Variants in PPWD1 observed in about 807,000 individuals in gnomAD.
PPWD1 encodes peptidylprolyl isomerase domain and WD repeat-containing protein 1.
PPWD1 carries 43 observed loss-of-function variants against 68.8 expected under a neutral mutation model. That is an observed-to-expected ratio of 0.62 (90% confidence interval 0.49 to 0.81). The LOEUF (loss-of-function observed/expected upper bound fraction) is 0.81. Among genes scored for constraint, PPWD1 ranks in the 30% least tolerant of loss-of-function variants. The probability of loss-of-function intolerance (pLI) is 0.00; values close to 1 mark genes in which losing one functional copy is unlikely to be tolerated. For synonymous variants in PPWD1, 232 were observed against 258.7 expected (o/e 0.90, Z 0.99); for missense variants, 672 against 804.8 (o/e 0.83, Z 2.00).
In PPWD1 at chr5:65,567,506, TC is replaced by T. The variant is rs1214627234; in HGVS notation, c.197-6del. 17 of 1,593,892 alleles carry T rather than the reference TC, an allele frequency of 1.1e-5. No homozygotes were observed. Among genetic ancestry groups the T allele is most frequent in the African/African-American group, 8.1e-5 (6 of 73,942 alleles). On this transcript the variant is annotated splice_polypyrimidine_tract_variant and splice_region_variant and intron_variant, in intron 1 of 10. Transcript: ENST00000261308. ...ATAGATCTTATACTTTACTTTTTTT[TC>T]TTCAGTCTTAGAGTTTGAAAGAGTC...
chr5:65,585,836 G>A, intron 9 of PPWD1, 163 bp from the exon 10 acceptor site: 1 of 824,246 alleles, frequency 1.2e-6, no homozygotes, highest in Non-Finnish European at 1.5e-6. Context: ...GTTGGGCAAT[G>A]GAAATACATC....
intron 5 of PPWD1, among the ~76,000 whole-genome samples, chr5:65,575,349 A>G (rs1226682769): frequency 6.6e-6 from 1 of 152,212 alleles, no homozygotes; most frequent in African/African-American, 2.4e-5. Context: ...TAAGCAGCGT[A>G]ATATGTATCA....
intron 5 of PPWD1, among the ~76,000 whole-genome samples, chr5:65,575,500 T>C (rs1753240219): frequency 6.6e-6 from 1 of 152,238 alleles, no homozygotes; most frequent in Non-Finnish European, 1.5e-5. Flanking sequence ...AGTTCTAACC[T>C]TATCTAGAAA....
chr5:65,573,407 C>G (rs753082561), intron 5 of PPWD1, among the ~76,000 whole-genome samples: 4 of 145,356 alleles, frequency 2.8e-5, no homozygotes, highest in Non-Finnish European at 6.0e-5. Flanking sequence ...ATTCTCCTGT[C>G]TCAGCTTCCC....
chr5:65,571,855 T>C lies in PPWD1; in HGVS notation c.538T>C (p.Cys180Arg). The C allele has an allele frequency of 6.2e-7, 1 of 1,613,856 alleles. No individual in the cohort carries two copies. The highest frequency in any genetic ancestry group is 1.6e-4 in the Middle Eastern group (1 of 6,062). ...CGATTTTAGCTATTTTCCTGGACAG[T>C]GTGAGTGGATCTATTGCCCAGGGGA... is the stretch of plus-strand genomic sequence containing the variant. Reference protein sequence around the residue: ...MLKLGYFPGQCEWIYCPGDAI... With the variant: ...MLKLGYFPGQREWIYCPGDAI... The change falls in exon 5 of 11, where the codon TGT (cysteine) becomes CGT (arginine). Residue 180 changes from cysteine (C) to arginine (R), a missense_variant. Cys to Arg is a radical substitution (Grantham distance 180). This residue lies in a region of PPWD1 where 484 missense variants were observed against 646.2 expected (regional missense o/e 0.75). Coordinates refer to ENST00000261308, the MANE Select transcript of PPWD1 (RefSeq NM_015342.4).
Position 65,571,880 on chromosome 5 carries a change from A to T in PPWD1, c.563A>T (p.Asp188Val). 1 of 1,613,842 alleles carries T rather than the reference A, an allele frequency of 6.2e-7. No homozygotes were observed. The change falls in exon 5 of 11, where the codon GAT (aspartate) becomes GTT (valine). Residue 188 changes from aspartate to valine, a missense_variant. Asp to Val is a radical substitution (Grantham distance 152). Around this residue, in one of 2 missense-constraint regions of PPWD1, gnomAD observed 484 missense variants for 646.2 expected, o/e 0.75. Coordinates refer to ENST00000261308, the MANE Select transcript of PPWD1 (RefSeq NM_015342.4). ...GQCEWIYCPG[D>V]AISSVAASEK... ...TGTGAGTGGATCTATTGCCCAGGGGATGCAATTTCTTCAGTTGCTGCTTCC... is the reference window on the plus strand; with the variant it reads ...TGTGAGTGGATCTATTGCCCAGGGGTTGCAATTTCTTCAGTTGCTGCTTCC...
chr5:65,574,379 T>TA (rs1186843484), intron 5 of PPWD1, among the ~76,000 whole-genome samples: 7 of 151,984 alleles, frequency 4.6e-5, no homozygotes, highest in African/African-American at 1.7e-4. Context: ...AAAATTCTAT[T>TA]AACTTGCAGC....
intron 1 of PPWD1, among the ~76,000 whole-genome samples, chr5:65,565,344 C>A (rs1752699075): frequency 6.6e-6 from 1 of 152,008 alleles, no homozygotes; most frequent in Admixed American, 6.6e-5. Context: ...TTTGCAAGTT[C>A]TTTTTTAATT....
At chr5:65,563,660 C>T in intron 1 of PPWD1, 154 bp downstream of exon 1, 1 of 1,341,176 alleles carries the variant, frequency 7.5e-7, no homozygotes, top group African/African-American at 1.5e-5. Flanking sequence ...ACTTGCATGT[C>T]TTAACGAAAT....
Position 65,579,625 on chromosome 5 carries a change from T to C in PPWD1, c.1350+12T>C, listed in dbSNP as rs750948838. On this transcript the variant is annotated intron_variant, in intron 7 of 10. Transcript: ENST00000261308. ...ATAGATTTTATATGGTATGTGTAAG[T>C]ACTAGGAGATTAGACGGTAATGTTC... The C allele has an allele frequency of 6.8e-7, 1 of 1,477,266 alleles. No homozygotes were observed. Among genetic ancestry groups the C allele is most frequent in the East Asian group, 2.5e-5 (1 of 39,458 alleles). 91.5% of individuals were successfully genotyped at this position (1,477,266 alleles called of 1,614,324 possible).
chr5:65,584,349 A>G (rs1432466539), intron 8 of PPWD1, among the ~76,000 whole-genome samples: 1 of 152,166 alleles, frequency 6.6e-6, no homozygotes, highest in East Asian at 1.9e-4. Context: ...AAATAATTGC[A>G]TAATTTTCAG....
At chr5:65,563,589 G>A in intron 1 of PPWD1, 83 bp downstream of exon 1, 1 of 1,482,386 alleles carries the variant, frequency 6.7e-7, no homozygotes, top group South Asian at 1.3e-5. Context: ...GAAGAGGGAT[G>A]ATGTGTGGAG....
intron 7 of PPWD1, among the ~76,000 whole-genome samples, chr5:65,582,330 C>A (rs1478276927): frequency 6.6e-6 from 1 of 152,206 alleles, no homozygotes; most frequent in Non-Finnish European, 1.5e-5. Flanking sequence ...TACAACTTCA[C>A]TGAAAATTTG....
chr5:65,570,086 G>GTA, intron 4 of PPWD1, 88 bp downstream of exon 4: 1 of 1,280,136 alleles, frequency 7.8e-7, no homozygotes, highest in Non-Finnish European at 1.1e-6. Flanking sequence ...TTTCTAAATA[G>GTA]TATATTACCA....
chr5:65,577,568 G>GA (rs1163778667), intron 6 of PPWD1, among the ~76,000 whole-genome samples: 1 of 151,994 alleles, frequency 6.6e-6, no homozygotes, highest in African/African-American at 2.4e-5. Flanking sequence ...ATTTTAAGGA[G>GA]AAAAAAATGT....
intron 5 of PPWD1, 80 bp from the exon 6 acceptor site, chr5:65,576,799 T>C: frequency 1.3e-6 from 2 of 1,489,278 alleles, no homozygotes; most frequent in Middle Eastern, 1.8e-4. Context: ...AAATTCTCAT[T>C]GCATATATAG....
rs1254158177 is a variant in PPWD1 at position 65,578,737 on chromosome 5, TATATATATACACAC to T, written c.1161-680_1161-667del. On this transcript the variant is annotated intron_variant, in intron 6 of 10. Transcript: ENST00000261308. ...ATATGTATATACATATATATATACA[TATATATATACACAC>T]ATATATGTGTATATATATATACATA... Among the ~76,000 whole-genome samples, 266 of 84,476 alleles carry T rather than the reference TATATATATACACAC, an allele frequency of 3.1e-3. 3 individuals are homozygous for T. The highest frequency in any genetic ancestry group is 0.012 in the African/African-American group (262 of 22,056). The allele number at this position is 84,476 out of a possible 152,430, so 55.4% of individuals were successfully genotyped here. A position where few individuals can be genotyped will look rare whatever the true frequency, so the allele number is the denominator to read the frequency against.
chr5:65,576,526 A>G (rs1372906311), intron 5 of PPWD1: 1 of 240,752 alleles, frequency 4.2e-6, no homozygotes, highest in Non-Finnish European at 6.7e-6. Flanking sequence ...ACAGGCACAC[A>G]TCACCATGCC....
chr5:65,572,750 T>G (rs1308115475), intron 5 of PPWD1, among the ~76,000 whole-genome samples: 1 of 152,254 alleles, frequency 6.6e-6, no homozygotes, highest in Non-Finnish European at 1.5e-5. Context: ...GAGTTATCCT[T>G]AACTCTTTTA....
Sources: allele counts gnomAD v4.1 joint callset (sites outside exome capture counted in the v4.1 genomes callset), GRCh38; gene constraint gnomAD v4.1.1; regional missense constraint gnomAD v4.1.1; transcripts MANE v1.5; gene names NCBI Gene and HGNC (gene_info 2026-07-23, HGNC 2026-07-21).